RALGAPA2: variants seen among roughly 807,000 people sequenced by gnomAD.
RALGAPA2 encodes ral GTPase-activating protein subunit alpha-2.
A neutral mutation model predicts 230.4 loss-of-function variants in RALGAPA2; 139 were observed. That is an observed-to-expected ratio of 0.60 (90% confidence interval 0.53 to 0.69). The LOEUF is 0.69. Among genes scored for constraint, RALGAPA2 ranks in the 30% least tolerant of loss-of-function variants. The probability of loss-of-function intolerance (pLI) is 0.00; values close to 1 mark genes in which losing one functional copy is unlikely to be tolerated. For missense variants in RALGAPA2, 2,163 were observed against 2,276.0 expected, an observed-to-expected ratio of 0.95 and a Z score of 1.01; for synonymous variants, 847 against 837.8, an observed-to-expected ratio of 1.01 and a Z score of -0.19.
At position 20,653,666 on chromosome 20, in the gene RALGAPA2, A is replaced by G. The variant is rs117109516; in HGVS notation, c.271-79T>C. On this transcript the variant is annotated intron_variant, in intron 3 of 39. Transcript: ENST00000202677. ...ATGACAGGCCCATATTACTCACTGT[A>G]GGTAAGTTCTAGAAGAGGAAAAGGA... 179 of 812,302 alleles carry G rather than the reference A, an allele frequency of 2.2e-4. 1 individual carries two copies. In the East Asian group the frequency reaches 3.9e-3, roughly 18 times the overall value. The allele number at this position is 812,302 out of a possible 1,614,324, so 50.3% of individuals were successfully genotyped here. A position where few individuals can be genotyped will look rare whatever the true frequency, so the allele number is the denominator to read the frequency against.
At chr20:20,534,691 G>A (rs2063455381) in intron 26 of RALGAPA2, among the ~76,000 whole-genome samples, 1 of 152,014 alleles carries the variant, frequency 6.6e-6, no homozygotes, top group East Asian at 1.9e-4. Flanking sequence ...AAATACTCAA[G>A]AATATTAACT....
intron 1 of RALGAPA2, among the ~76,000 whole-genome samples, chr20:20,691,766 T>G (rs2068920476): frequency 6.6e-6 from 1 of 152,216 alleles, no homozygotes; most frequent in South Asian, 2.1e-4. Flanking sequence ...TCTGGATGTA[T>G]GGTGGGGCCT....
chr20:20,656,110 C>T (rs2067582309), intron 3 of RALGAPA2, among the ~76,000 whole-genome samples: 3 of 152,138 alleles, frequency 2.0e-5, no homozygotes, highest in Non-Finnish European at 4.4e-5. Context: ...GCTGTGTGTA[C>T]ATGAGAGCTC....
chr20:20,518,883 A>C (rs1248424329), intron 31 of RALGAPA2, among the ~76,000 whole-genome samples: 3 of 152,242 alleles, frequency 2.0e-5, no homozygotes, highest in Admixed American at 2.0e-4. Context: ...ATATGAACTT[A>C]CAGTAGGGAA....
intron 4 of RALGAPA2, among the ~76,000 whole-genome samples, chr20:20,648,398 C>T (rs141653772): frequency 1.9e-3 from 284 of 151,834 alleles, no homozygotes; most frequent in Non-Finnish European, 3.6e-3. Flanking sequence ...AGGAAACTTT[C>T]GGGGGTAGTA....
At chr20:20,482,851 C>T (rs1281883620) in intron 36 of RALGAPA2, among the ~76,000 whole-genome samples, 1 of 152,156 alleles carries the variant, frequency 6.6e-6, no homozygotes, top group African/African-American at 2.4e-5. Flanking sequence ...GGCTGAAGAA[C>T]AGGTATGGGA....
In RALGAPA2 at chr20:20,639,837, T is replaced by G; in HGVS notation, c.614A>C (p.Glu205Ala). The change falls in exon 7 of 40, where the codon GAG (glutamate) becomes GCG (alanine). Residue 205 changes from glutamate (E) to alanine (A), a missense_variant. Physicochemically the swap from Glu to Ala is moderately radical, Grantham distance 107. Transcript: ENST00000202677. Reference sequence around the variant, plus strand: ...TTGAAGAAAAAAGCAGGTTTGGTCCTCAGCAATCTTCTCCCCTGATATGGC... The same window carrying G: ...TTGAAGAAAAAAGCAGGTTTGGTCCGCAGCAATCTTCTCCCCTGATATGGC... ...LPAISGEKIA[E>A]DQTCFFLQIL... 5.6e-6 allele frequency: 9 copies of G among 1,613,816 alleles called. No homozygotes were observed. Among genetic ancestry groups the G allele is most frequent in the Non-Finnish European group, 7.6e-6 (9 of 1,179,714 alleles).
intron 26 of RALGAPA2, among the ~76,000 whole-genome samples, chr20:20,534,013 CAA>C (rs2063434267): frequency 1.3e-5 from 2 of 151,870 alleles, no homozygotes; most frequent in South Asian, 4.1e-4. Context: ...AGAAGTTGAA[CAA>C]AGACAAAAGC....
intron 20 of RALGAPA2, 136 bp downstream of exon 20, chr20:20,582,914 T>C: frequency 1.2e-6 from 1 of 854,070 alleles, no homozygotes; most frequent in South Asian, 1.9e-5. Context: ...CTTCCTCCTA[T>C]GGTGGACAGT....
At chr20:20,459,817 T>C (rs1322296869) in intron 37 of RALGAPA2, among the ~76,000 whole-genome samples, 1 of 152,238 alleles carries the variant, frequency 6.6e-6, no homozygotes, top group Non-Finnish European at 1.5e-5. Flanking sequence ...AAAACGTGAA[T>C]TATTTGAAGC....
chr20:20,429,328 C>T (rs2060454425), intron 37 of RALGAPA2, among the ~76,000 whole-genome samples: 1 of 152,162 alleles, frequency 6.6e-6, no homozygotes, highest in Non-Finnish European at 1.5e-5. Context: ...CTAAATTAAT[C>T]CACAAACATT....
chr20:20,622,198 C>A (rs1316567513), intron 10 of RALGAPA2, among the ~76,000 whole-genome samples: 1 of 150,052 alleles, frequency 6.7e-6, no homozygotes, highest in African/African-American at 2.5e-5. Flanking sequence ...ATGGATAAAT[C>A]AGAAGAGAGG....
chr20:20,446,675 G>A (rs914430601), intron 37 of RALGAPA2, among the ~76,000 whole-genome samples: 2 of 152,196 alleles, frequency 1.3e-5, no homozygotes, highest in Non-Finnish European at 2.9e-5. Context: ...GTGGCTACAG[G>A]TATAATGCAG....
At chr20:20,457,708 C>G (rs1602421941) in intron 37 of RALGAPA2, among the ~76,000 whole-genome samples, 1 of 152,342 alleles carries the variant, frequency 6.6e-6, no homozygotes, top group South Asian at 2.1e-4. Context: ...ACAAAGCAGA[C>G]AGAAATCTCT....
intron 38 of RALGAPA2, among the ~76,000 whole-genome samples, chr20:20,397,278 G>A (rs1320085456): frequency 6.6e-6 from 1 of 152,162 alleles, no homozygotes; most frequent in Non-Finnish European, 1.5e-5. Flanking sequence ...TCCCCAGGGA[G>A]GGAACACACA....
chr20:20,654,703 T>C (rs1266890155), intron 3 of RALGAPA2, among the ~76,000 whole-genome samples: 2 of 152,258 alleles, frequency 1.3e-5, no homozygotes, highest in East Asian at 3.8e-4. Flanking sequence ...GCAATAAACA[T>C]GGGAGTGCAG....
Position 20,389,887 on chromosome 20 carries a change from T to A in RALGAPA2, c.*3402A>T, listed in dbSNP as rs1383500585. On this transcript the variant is annotated 3_prime_UTR_variant, in exon 40 of 40. Transcript: ENST00000202677. Reference sequence around the variant, plus strand: ...ATCAAATGACACGCTATAACTTAATTTACCATATTTATCAAATTTTTTCCT... The same window carrying A: ...ATCAAATGACACGCTATAACTTAATATACCATATTTATCAAATTTTTTCCT... 1 of 152,002 alleles carries A rather than the reference T, an allele frequency of 6.6e-6. No homozygotes were observed. The highest frequency in any genetic ancestry group is 1.5e-5 in the Non-Finnish European group (1 of 67,998). 9.4% of individuals were successfully genotyped at this position (152,002 alleles called of 1,614,324 possible).
chr20:20,629,351 A>ACG lies in RALGAPA2; in HGVS notation c.1233+11_1233+12insCG. On this transcript the variant is annotated intron_variant, in intron 10 of 39. Coordinates refer to ENST00000202677, the MANE Select transcript of RALGAPA2 (RefSeq NM_020343.4). ...CACACACACACACACACACACACAC[A>ACG]CACACACTAACCTGGTGAAATACTT... 1 of 1,528,220 alleles carries ACG rather than the reference A, an allele frequency of 6.5e-7. No individual in the cohort carries two copies. The allele number at this position is 1,528,220 out of a possible 1,614,324, so 94.7% of individuals were successfully genotyped here. A position where few individuals can be genotyped will look rare whatever the true frequency, so the allele number is the denominator to read the frequency against.
At chr20:20,581,723 CAT>C (rs893028477) in intron 20 of RALGAPA2, among the ~76,000 whole-genome samples, 1 of 152,042 alleles carries the variant, frequency 6.6e-6, no homozygotes, top group African/African-American at 2.4e-5. Context: ...ATACCACCTT[CAT>C]ATGTTAATTT....
Sources: gnomAD v4.1 joint callset for allele counts (sites outside exome capture counted in the v4.1 genomes callset) on GRCh38, gnomAD v4.1.1 for gene constraint, MANE v1.5 for transcripts, NCBI Gene and HGNC (gene_info 2026-07-23, HGNC 2026-07-21) for gene names.